The following NOXRED1 variants were observed in gnomAD, a reference collection of about 807,000 sequenced individuals.
NOXRED1 encodes NADP-dependent oxidoreductase domain-containing protein 1.
In NOXRED1, 20 loss-of-function variants were observed where a neutral mutation model predicts 30.4. The ratio of observed to expected loss-of-function variants is 0.66; its 90% confidence interval spans 0.46 to 0.96. The LOEUF (loss-of-function observed/expected upper bound fraction) is 0.96, where lower values mean the gene tolerates loss of function less well. Ranked by LOEUF, NOXRED1 falls within the 40% of genes least tolerant of loss-of-function variation. The pLI is 0.00. For synonymous variants in NOXRED1, 155 were observed against 168.0 expected (o/e 0.92, Z 0.60); for missense variants, 374 against 428.0 (o/e 0.87, Z 1.11).
At chr14:77,400,851 A>G (rs1555362484) in intron 5 of NOXRED1, among the ~76,000 whole-genome samples, 1 of 152,238 alleles carries the variant, frequency 6.6e-6, no homozygotes, top group Non-Finnish European at 1.5e-5. Context: ...CCAAAATGAA[A>G]TACTTAGGTA....
At chr14:77,395,952 C>T (rs764721190) in intron 5 of NOXRED1, among the ~76,000 whole-genome samples, 47 of 151,876 alleles carry the variant, frequency 3.1e-4, no homozygotes, top group Admixed American at 2.6e-4. Context: ...CATGATGGTG[C>T]GCACCTGTAG....
chr14:77,411,176 G>A (rs1894638171), intron 2 of NOXRED1, among the ~76,000 whole-genome samples: 1 of 151,996 alleles, frequency 6.6e-6, no homozygotes, highest in African/African-American at 2.4e-5. Flanking sequence ...TTAAAAACGT[G>A]GATATATTTC....
intron 5 of NOXRED1, among the ~76,000 whole-genome samples, chr14:77,395,737 G>A (rs1005394849): frequency 2.0e-5 from 3 of 150,860 alleles, no homozygotes; most frequent in African/African-American, 7.3e-5. Context: ...AGCAGGTCGA[G>A]GCTGCAGTGA....
intron 1 of NOXRED1, among the ~76,000 whole-genome samples, chr14:77,417,298 T>C (rs193079017): frequency 6.6e-6 from 1 of 152,360 alleles, no homozygotes; most frequent in African/African-American, 2.4e-5. Context: ...TACTTGTCCA[T>C]TAGGTTCTAA....
intron 1 of NOXRED1, 45 bp from the exon 2 acceptor site, chr14:77,414,172 C>A (rs1463405158): frequency 1.1e-5 from 13 of 1,138,108 alleles, no homozygotes; most frequent in East Asian, 2.7e-5. Context: ...CATGCACACA[C>A]TAGTTTTTCT....
chr14:77,413,901 C>A, intron 2 of NOXRED1, 33 bp downstream of exon 2: 2 of 1,497,372 alleles, frequency 1.3e-6, no homozygotes, highest in East Asian at 2.3e-5. Flanking sequence ...ACAGCACAAC[C>A]AAGCCCCCTT....
At position 77,422,729 on chromosome 14, in the gene NOXRED1, G is replaced by A. The variant is rs190283547; in HGVS notation, c.155+6C>T. The A allele has an allele frequency of 4.2e-4, 675 of 1,613,436 alleles. 1 individual carries two copies. Among genetic ancestry groups the A allele is most frequent in the Admixed American group, 1.1e-3 (66 of 60,014 alleles). ...CCATCTTCCTGAATTTGGATACTCG[G>A]CTTACCTCAAATTATATAATAGTTT... On this transcript the variant is annotated splice_donor_region_variant and intron_variant, in intron 1 of 5. Transcript: ENST00000380835.
chr14:77,415,585 TATAGATAG>T (rs35339836), intron 1 of NOXRED1, among the ~76,000 whole-genome samples: 6,121 of 145,462 alleles, frequency 0.042, 215 homozygotes, highest in African/African-American at 0.098. Flanking sequence ...AGAAAATACA[TATAGATAG>T]ATAGATAGAT....
chr14:77,405,739 T>C (rs528653692), intron 5 of NOXRED1, among the ~76,000 whole-genome samples, 174 bp downstream of exon 5: 1 of 152,284 alleles, frequency 6.6e-6, no homozygotes, highest in South Asian at 2.1e-4. Flanking sequence ...ATCTATGAAA[T>C]GGGATTTGGA....
chr14:77,406,369 G>T, intron 4 of NOXRED1: 1 of 596,444 alleles, frequency 1.7e-6, no homozygotes. Flanking sequence ...TGTAGACATT[G>T]CTAATGGCAA....
At chr14:77,414,503 TG>T (rs993273970) in intron 1 of NOXRED1, among the ~76,000 whole-genome samples, 9 of 152,172 alleles carry the variant, frequency 5.9e-5, no homozygotes, top group Admixed American at 6.5e-5. Context: ...TGTCATTCTC[TG>T]ACATTTTCTG....
Position 77,421,586 on chromosome 14 carries a change from A to G in NOXRED1, c.155+1149T>C, listed in dbSNP as rs190547141. ...GTGTTCATTCAGGGTACAACTTTAA[A>G]CTACAAAAACAAAACAAAAAAGAAC... is the stretch of plus-strand genomic sequence containing the variant. On this transcript the variant is annotated intron_variant, in intron 1 of 5. Transcript: ENST00000380835. Among the ~76,000 whole-genome samples the G allele has an allele frequency of 1.1e-4, 16 of 152,330 alleles. No homozygotes were observed. In the East Asian group the frequency reaches 2.7e-3, roughly 26 times the overall value.
At chr14:77,400,626 GT>G in intron 5 of NOXRED1, among the ~76,000 whole-genome samples, 1 of 152,162 alleles carries the variant, frequency 6.6e-6, no homozygotes, top group East Asian at 1.9e-4. Flanking sequence ...ATTCTTCTGA[GT>G]TTTTGATGAG....
chr14:77,422,114 T>C (rs956396229), intron 1 of NOXRED1, among the ~76,000 whole-genome samples: 1 of 152,036 alleles, frequency 6.6e-6, no homozygotes, highest in Non-Finnish European at 1.5e-5. Flanking sequence ...AGAAGTAGAG[T>C]GAGGAGGTGA....
chr14:77,420,851 G>A (rs1160283703), intron 1 of NOXRED1, among the ~76,000 whole-genome samples: 1 of 152,130 alleles, frequency 6.6e-6, no homozygotes, highest in Non-Finnish European at 1.5e-5. Flanking sequence ...CCAGGAATGT[G>A]TCTTCTCTGG....
chr14:77,402,918 C>T (rs1238700435), intron 5 of NOXRED1, among the ~76,000 whole-genome samples: 1 of 151,688 alleles, frequency 6.6e-6, no homozygotes, highest in African/African-American at 2.4e-5. Context: ...GCCTGTAATC[C>T]CAGCTACTTG....
intron 1 of NOXRED1, among the ~76,000 whole-genome samples, chr14:77,417,039 CCT>C (rs142742739): frequency 0.029 from 4,474 of 151,896 alleles, 209 homozygotes; most frequent in African/African-American, 0.1. Context: ...CTTGTGATTT[CCT>C]GTTTGATTCA....
intron 5 of NOXRED1, among the ~76,000 whole-genome samples, chr14:77,401,456 G>A (rs1314443862): frequency 6.6e-6 from 1 of 152,174 alleles, no homozygotes; most frequent in Non-Finnish European, 1.5e-5. Flanking sequence ...AGCACTTTGG[G>A]AGGCTGAGGC....
At chr14:77,419,681 A>T (rs1566714874) in intron 1 of NOXRED1, among the ~76,000 whole-genome samples, 1 of 150,038 alleles carries the variant, frequency 6.7e-6, no homozygotes. Flanking sequence ...ATGTCCTGAC[A>T]TCGTGATCCG....
Sources: allele counts gnomAD v4.1 joint callset (sites outside exome capture counted in the v4.1 genomes callset), GRCh38; gene constraint gnomAD v4.1.1; transcripts MANE v1.5; gene names NCBI Gene and HGNC (gene_info 2026-07-23, HGNC 2026-07-21).